MYO18A: variants seen among roughly 807,000 people sequenced by gnomAD.
MYO18A encodes myosin XVIIIA, also known as unconventional myosin-XVIIIa.
Under a neutral mutation model 235.8 loss-of-function variants are expected in MYO18A, and 78 were observed. That is an observed-to-expected ratio of 0.33 (90% CI 0.28 to 0.40). The LOEUF (loss-of-function observed/expected upper bound fraction) is 0.40, where lower values mean the gene tolerates loss of function less well. MYO18A is among the 10% of genes least tolerant of loss of function. The pLI is 1.00. For synonymous variants in MYO18A, 977 were observed against 1,077.8 expected, an observed-to-expected ratio of 0.91 and a Z score of 1.83; for missense variants, 2,215 against 2,699.3, an observed-to-expected ratio of 0.82 and a Z score of 3.98.
chr17:29,091,007 T>A (rs2066385337), intron 34 of MYO18A, 81 bp from the exon 35 acceptor site: 8 of 1,145,558 alleles, frequency 7.0e-6, no homozygotes, highest in Non-Finnish European at 9.0e-6. Flanking sequence ...GGCAGGGGCA[T>A]TGTAGAGAAG....
rs1264817776 is a variant in MYO18A at position 29,117,776 on chromosome 17, A to T, written c.2038+269T>A. The stretch of plus-strand genomic sequence containing the variant: ...GCTGCCCTGCCTTAGTGCCCTTCTC[A>T]TCCCTCAGCCTCTGAACCCCCAGCC... On this transcript the variant is annotated intron_variant, in intron 10 of 41. Transcript: ENST00000527372. The surrounding 1 kb of genome is among the most constrained non-coding windows in gnomAD (Gnocchi z 4.6). Among the ~76,000 whole-genome samples the T allele has an allele frequency of 6.6e-6, 1 of 152,120 alleles. No homozygotes were observed.
intron 2 of MYO18A, among the ~76,000 whole-genome samples, chr17:29,123,322 T>G (rs1200113676): frequency 6.6e-6 from 1 of 151,836 alleles, no homozygotes; most frequent in Admixed American, 6.6e-5. Flanking sequence ...CCCAGTGGCA[T>G]GGACCCACCC....
chr17:29,138,793 C>T (rs1352894651), intron 2 of MYO18A, among the ~76,000 whole-genome samples: 2 of 152,316 alleles, frequency 1.3e-5, no homozygotes, highest in East Asian at 1.9e-4. Flanking sequence ...TGCGAGAGCC[C>T]TCCACTGCTC....
intron 1 of MYO18A, among the ~76,000 whole-genome samples, chr17:29,177,502 A>G (rs1335682276): frequency 6.6e-6 from 1 of 152,074 alleles, no homozygotes; most frequent in Non-Finnish European, 1.5e-5. Flanking sequence ...ACCCCTCCCA[A>G]TCCAGCTCCT....
In MYO18A at chr17:29,090,537, C is replaced by A; in HGVS notation, c.5383G>T (p.Glu1795Ter). Residue 1795 changes from glutamate (E) to a stop codon, truncating the protein, a stop_gained, in exon 36 of 42, where the codon GAG (glutamate) becomes TAG (stop). Transcript: ENST00000527372. LOFTEE classifies it high-confidence loss of function. ...AGGGAGCCCCTGGTCCTCACCTTCT[C>A]CTGCAGCTCCTGCTTCTCTTTGTTG... ...EANKEKQELQ[E>*]KLQALQSQVE... is the part of the protein sequence containing the mutation. The A allele has an allele frequency of 6.3e-7, 1 of 1,589,320 alleles. No homozygotes were observed. The highest frequency in any genetic ancestry group is 8.6e-7 in the Non-Finnish European group (1 of 1,166,678).
chr17:29,129,224 TC>T (rs1391014329), intron 2 of MYO18A: 17 of 772,918 alleles, frequency 2.2e-5, no homozygotes, highest in Non-Finnish European at 3.2e-5. Flanking sequence ...TCATCTATGT[TC>T]TCAAGCACTG....
At chr17:29,141,990 G>A (rs2067749500) in intron 2 of MYO18A, among the ~76,000 whole-genome samples, 1 of 152,194 alleles carries the variant, frequency 6.6e-6, no homozygotes, top group Non-Finnish European at 1.5e-5. Context: ...TGTCGCCCAG[G>A]CTGGAGTGCA....
rs1030087744 is a variant in MYO18A at position 29,080,660 on chromosome 17, C to T, written c.6020+1656G>A. The T allele has an allele frequency of 3.0e-4, 296 of 985,592 alleles. 1 individual carries two copies. The highest frequency in any genetic ancestry group is 6.6e-4 in the South Asian group (14 of 21,290). The allele number at this position is 985,592 out of a possible 1,614,324, so 61.1% of individuals were successfully genotyped here. A position where few individuals can be genotyped will look rare whatever the true frequency, so the allele number is the denominator to read the frequency against. The stretch of plus-strand genomic sequence containing the variant: ...GAGCCCCGCCGCGTGGCCGAGGAGG[C>T]CCGGCTGACCGGTGCAGAGACGGTG... On this transcript the variant is annotated intron_variant, in intron 41 of 41. Transcript: ENST00000527372.
At chr17:29,142,147 T>C (rs1363001088) in intron 2 of MYO18A, among the ~76,000 whole-genome samples, 1 of 152,222 alleles carries the variant, frequency 6.6e-6, no homozygotes. Context: ...GGTTTCACCG[T>C]GGTCTCAATC....
At chr17:29,122,315 T>A (rs1225869211) in intron 2 of MYO18A, 62 bp from the exon 3 acceptor site, 63 of 1,482,936 alleles carry the variant, frequency 4.2e-5, no homozygotes, top group Non-Finnish European at 5.4e-5. Flanking sequence ...AGGACAGCCG[T>A]AGAGGGGAGA....
In MYO18A at chr17:29,090,069, G is replaced by A. The variant is rs1161561913; in HGVS notation, c.5418C>T (p.Phe1806=). Residue 1806 remains phenylalanine, a synonymous_variant, in exon 37 of 42, where the codon TTC becomes TTT. Coordinates refer to ENST00000527372, the MANE Select transcript of MYO18A (RefSeq NM_078471.4). ...ACTTGTCCACCATGGACTGCTCCAG[G>A]AACTCCACCTGGCTCTGGAGGGCTT... The part of the protein sequence containing the change: ...KLQALQSQVE[F]LEQSMVDKSL... 6.2e-7 allele frequency: 1 copy of A among 1,613,606 alleles called. No homozygotes were observed. The highest frequency in any genetic ancestry group is 1.1e-5 in the South Asian group (1 of 90,958).
chr17:29,107,349 G>T, intron 19 of MYO18A, 160 bp from the exon 20 acceptor site: 1 of 651,096 alleles, frequency 1.5e-6, no homozygotes, highest in Non-Finnish European at 2.7e-6. Context: ...AAGGAGAGGG[G>T]GTAGGCAGGG....
At chr17:29,088,354 G>A (rs1401555028) in intron 37 of MYO18A, among the ~76,000 whole-genome samples, 2 of 152,086 alleles carry the variant, frequency 1.3e-5, no homozygotes, top group Admixed American at 6.6e-5. Flanking sequence ...GCGCCCAGCC[G>A]AAAATAAGTT....
chr17:29,153,755 C>T (rs2068004333), intron 2 of MYO18A, among the ~76,000 whole-genome samples: 1 of 152,252 alleles, frequency 6.6e-6, no homozygotes, highest in African/African-American at 2.4e-5. Context: ...CAAGCAACTT[C>T]ATGTTTGACA....
chr17:29,176,995 C>A (rs952635118), intron 1 of MYO18A, among the ~76,000 whole-genome samples: 1 of 152,212 alleles, frequency 6.6e-6, no homozygotes, highest in Non-Finnish European at 1.5e-5. Context: ...CCTGCGGCCT[C>A]GCCAGGTTCC....
intron 2 of MYO18A, among the ~76,000 whole-genome samples, chr17:29,135,508 T>C (rs2067577094): frequency 6.6e-6 from 1 of 152,280 alleles, no homozygotes; most frequent in Non-Finnish European, 1.5e-5. Flanking sequence ...GACTTCTGTT[T>C]TATTATTCAG....
rs117478659 is a variant in MYO18A, at chr17:29,170,952, G to A, written c.-81-3931C>T. Among the ~76,000 whole-genome samples the A allele has an allele frequency of 3.6e-3, 542 of 152,272 alleles. 2 individuals are homozygous for A. Among genetic ancestry groups the A allele is most frequent in the Non-Finnish European group, 5.9e-3 (399 of 68,030 alleles). On this transcript the variant is annotated intron_variant, in intron 1 of 41. Transcript: ENST00000527372. Reference sequence around the variant, plus strand: ...TCAAAATCATGATGTCAAGTGAGAGGGAAAGAAGTCTTTGACAAAGAGCAC... The same window carrying A: ...TCAAAATCATGATGTCAAGTGAGAGAGAAAGAAGTCTTTGACAAAGAGCAC...
At chr17:29,172,561 A>G (rs934149317) in intron 1 of MYO18A, among the ~76,000 whole-genome samples, 7 of 152,202 alleles carry the variant, frequency 4.6e-5, no homozygotes, top group Admixed American at 4.6e-4. Flanking sequence ...CCATTTCCCC[A>G]TCTATAAAAA....
rs770976737 is a variant in MYO18A at position 29,096,930 on chromosome 17, G to C, written c.4231-15C>G. On this transcript the variant is annotated splice_polypyrimidine_tract_variant and intron_variant, in intron 27 of 41. Coordinates refer to ENST00000527372, the MANE Select transcript of MYO18A (RefSeq NM_078471.4). ...AGGTCCCCGAGCTAGGGGCCAAGATGGGGTGCATATACAGAGAGACCCAGA... is the reference window on the plus strand; with the variant it reads ...AGGTCCCCGAGCTAGGGGCCAAGATCGGGTGCATATACAGAGAGACCCAGA... The C allele has an allele frequency of 6.5e-7, 1 of 1,549,442 alleles. No homozygotes were observed. Among genetic ancestry groups the C allele is most frequent in the African/African-American group, 1.4e-5 (1 of 73,418 alleles).
Sources: allele counts gnomAD v4.1 joint callset (sites outside exome capture counted in the v4.1 genomes callset), GRCh38; gene constraint gnomAD v4.1.1; non-coding constraint Gnocchi (gnomAD v3.1); transcripts MANE v1.5; gene names NCBI Gene and HGNC (gene_info 2026-07-23, HGNC 2026-07-21).